Variants in WDR44 observed in about 807,000 individuals in gnomAD.
The protein encoded by WDR44 is WD repeat domain 44, also known as WD repeat-containing protein 44.
In WDR44, 9 loss-of-function variants were observed where a neutral mutation model predicts 65.7. The ratio of observed to expected loss-of-function variants is 0.14; its 90% CI spans 0.08 to 0.24. WDR44 has a LOEUF of 0.24. WDR44 is among the 10% of genes least tolerant of loss of function. The pLI is 1.00. For missense variants in WDR44, 425 were observed against 670.9 expected (o/e 0.63, Z 4.05); for synonymous variants, 220 against 235.2 (o/e 0.94, Z 0.59).
At position 118,416,994 on chromosome X, in the gene WDR44, A is replaced by T. The variant is rs187349799; in HGVS notation, c.1737+6035A>T. On this transcript the variant is annotated intron_variant, in intron 12 of 19. Transcript: ENST00000254029. ...TGCTTTAAAGTTTGTTTTGTCTGAT[A>T]TAAGAATAGCTACCCCTGTTCGCTT... 4.5e-5 allele frequency among the ~76,000 whole-genome samples: 5 copies of T among 111,960 alleles called. No individual in the cohort carries two copies. In the Admixed American group the frequency reaches 4.7e-4, roughly 11 times the overall value.
intron 1 of WDR44, among the ~76,000 whole-genome samples, chrX:118,363,213 C>G (rs1296126715): frequency 1.9e-5 from 2 of 107,738 alleles, no homozygotes; most frequent in Non-Finnish European, 3.8e-5. Flanking sequence ...GTCTGGTCAA[C>G]ATGGTGAAAC....
intron 2 of WDR44, among the ~76,000 whole-genome samples, chrX:118,384,887 C>T (rs1337166261): frequency 9.0e-6 from 1 of 111,585 alleles, no homozygotes; most frequent in Admixed American, 9.6e-5. Flanking sequence ...TTTCACCTCC[C>T]TAGTTAGCTG....
chrX:118,440,132 A>AG (rs1165046700), intron 14 of WDR44, among the ~76,000 whole-genome samples: 1 of 108,557 alleles, frequency 9.2e-6, no homozygotes, highest in African/African-American at 3.4e-5. Flanking sequence ...AAAAAAAAAA[A>AG]AAAGAAAGAA....
intron 1 of WDR44, among the ~76,000 whole-genome samples, chrX:118,370,506 G>A (rs2056604963): frequency 9.0e-6 from 1 of 110,816 alleles, no homozygotes; most frequent in Non-Finnish European, 1.9e-5. Context: ...ATGATTGGAA[G>A]CTTCCTGAGG....
At chrX:118,371,287 C>T (rs1328159364) in intron 1 of WDR44, among the ~76,000 whole-genome samples, 1 of 111,070 alleles carries the variant, frequency 9.0e-6, no homozygotes, top group East Asian at 2.8e-4. Context: ...TGGTAGTTTC[C>T]GGGGGTTGGG....
chrX:118,410,881 T>C lies in WDR44; in HGVS notation c.1673-14T>C. The C allele has an allele frequency of 8.4e-7, 1 of 1,194,940 alleles. No individual in the cohort carries two copies. The highest frequency in any genetic ancestry group is 1.1e-6 in the Non-Finnish European group (1 of 887,048). ...ACATACATGCCTTTTTTACAATTATTATGTTGTTTTTAGGACGTGTGTCCC... is the reference window on the plus strand; with the variant it reads ...ACATACATGCCTTTTTTACAATTATCATGTTGTTTTTAGGACGTGTGTCCC... On this transcript the variant is annotated splice_polypyrimidine_tract_variant and intron_variant, in intron 11 of 19. Coordinates refer to ENST00000254029, the MANE Select transcript of WDR44 (RefSeq NM_019045.5).
chrX:118,433,771 T>C (rs767354115), intron 13 of WDR44, among the ~76,000 whole-genome samples: 4 of 111,938 alleles, frequency 3.6e-5, no homozygotes, highest in African/African-American at 1.3e-4. Flanking sequence ...GCCTAGAACA[T>C]AATAATGCTC....
At chrX:118,380,437 T>C in intron 2 of WDR44, among the ~76,000 whole-genome samples, 1 of 111,815 alleles carries the variant, frequency 8.9e-6, no homozygotes, top group East Asian at 2.8e-4. Flanking sequence ...TCTATAATTT[T>C]GTCACTTAAG....
At chrX:118,416,106 A>G (rs2057054871) in intron 12 of WDR44, among the ~76,000 whole-genome samples, 2 of 111,636 alleles carry the variant, frequency 1.8e-5, no homozygotes, top group South Asian at 7.3e-4. Context: ...CAGTCTATCA[A>G]TTTTATTTAT....
intron 1 of WDR44, among the ~76,000 whole-genome samples, chrX:118,365,125 C>T (rs936413357): frequency 8.9e-6 from 1 of 111,797 alleles, no homozygotes; most frequent in Non-Finnish European, 1.9e-5. Context: ...TAGAAGAGAA[C>T]TTACCATTCC....
At chrX:118,447,032 A>ATTTTTTTTTTT in intron 19 of WDR44, 2 of 276,358 alleles carry the variant, frequency 7.2e-6, no homozygotes, top group Non-Finnish European at 1.4e-5. Context: ...TGCCTGGCTA[A>ATTTTTTTTTTT]TTTTTTTTTT....
intron 1 of WDR44, among the ~76,000 whole-genome samples, chrX:118,368,857 C>A (rs779390923): frequency 9.5e-6 from 1 of 104,790 alleles, no homozygotes; most frequent in Non-Finnish European, 2.0e-5. Flanking sequence ...GCTGGGACTA[C>A]GGGTGTGCAC....
At position 118,371,330 on chromosome X, in the gene WDR44, T is replaced by C. The variant is rs781106538; in HGVS notation, c.78-7089T>C. 3.6e-5 allele frequency among the ~76,000 whole-genome samples: 4 copies of C among 111,159 alleles called. No individual in the cohort carries two copies. In the Admixed American group the frequency reaches 3.9e-4, roughly 11 times the overall value. ...GGAGCAGCTGAGGAATGGGAAAATA[T>C]TAGTCAGAGGGTACAAAGTTTTAGT... On this transcript the variant is annotated intron_variant, in intron 1 of 19. Transcript: ENST00000254029.
At chrX:118,429,030 C>T (rs1185562095) in intron 12 of WDR44, among the ~76,000 whole-genome samples, 1 of 110,036 alleles carries the variant, frequency 9.1e-6, no homozygotes, top group African/African-American at 3.3e-5. Context: ...GGGAGGGGAA[C>T]AACACACAGT....
Position 118,404,411 on chromosome X carries a change from G to A in WDR44, c.1348G>A (p.Ala450Thr). ...KHLAEEYGER[A>T]INKVKSVRDE... ...CCTTGCTGAGGAATATGGTGAACGT[G>A]CTATAAATAAAGTTAAAAGTGTTAG... Residue 450 changes from alanine to threonine, a missense_variant, in exon 9 of 20, where the codon GCT becomes ACT. By Grantham distance (58) the Ala-to-Thr change is moderately conservative. This residue lies in a region of WDR44 where 77 missense variants were observed against 183.5 expected (regional missense o/e 0.42). Transcript: ENST00000254029. 8.3e-7 allele frequency: 1 copy of A among 1,203,034 alleles called. No homozygotes were observed. Among genetic ancestry groups the A allele is most frequent in the Non-Finnish European group, 1.1e-6 (1 of 891,737 alleles).
chrX:118,403,006 T>A (rs1013993750), intron 8 of WDR44, among the ~76,000 whole-genome samples: 1 of 111,731 alleles, frequency 9.0e-6, no homozygotes, highest in African/African-American at 3.3e-5. Flanking sequence ...ACTGTGTTTT[T>A]TCTATCTGAT....
chrX:118,433,680 C>G (rs1362361425), intron 13 of WDR44, among the ~76,000 whole-genome samples: 4 of 111,826 alleles, frequency 3.6e-5, no homozygotes, highest in Non-Finnish European at 7.5e-5. Context: ...ATATAAAGCA[C>G]TTGCCTAGAA....
chrX:118,386,934 C>T (rs2056773160), intron 2 of WDR44, among the ~76,000 whole-genome samples: 1 of 110,874 alleles, frequency 9.0e-6, no homozygotes, highest in African/African-American at 3.3e-5. Flanking sequence ...ATAATCCCAG[C>T]ACTTTGGGAG....
At chrX:118,378,613 A>T (rs1177572716) in intron 2 of WDR44, among the ~76,000 whole-genome samples, 161 bp downstream of exon 2, 2 of 111,136 alleles carry the variant, frequency 1.8e-5, no homozygotes, top group Non-Finnish European at 3.8e-5. Context: ...TACTCTAGAA[A>T]TACCTAACTA....
Sources: gnomAD v4.1 joint callset for allele counts (sites outside exome capture counted in the v4.1 genomes callset) on GRCh38, gnomAD v4.1.1 for gene constraint, gnomAD v4.1.1 regional missense constraint, MANE v1.5 for transcripts, NCBI Gene and HGNC (gene_info 2026-07-23, HGNC 2026-07-21) for gene names.